The following DGKB variants were observed in gnomAD, a reference collection of about 807,000 sequenced individuals.
DGKB encodes the protein diacylglycerol kinase beta.
DGKB carries 67 observed loss-of-function variants against 114.3 expected under a neutral mutation model. The ratio of observed to expected loss-of-function variants is 0.59; its 90% confidence interval spans 0.48 to 0.72. DGKB has a LOEUF of 0.72. Among genes scored for constraint, DGKB ranks in the 30% least tolerant of loss-of-function variants. The probability of loss-of-function intolerance (pLI) is 0.00; values close to 1 mark genes in which losing one functional copy is unlikely to be tolerated. For missense variants in DGKB, 907 were observed against 975.2 expected (o/e 0.93, Z 0.93); for synonymous variants, 398 against 323.1 (o/e 1.23, Z -2.49).
At chr7:14,729,431 C>A (rs1830595868) in intron 5 of DGKB, among the ~76,000 whole-genome samples, 1 of 152,110 alleles carries the variant, frequency 6.6e-6, no homozygotes, top group Admixed American at 6.6e-5. Context: ...ACTGATGTAT[C>A]CCTAACAACT....
intron 13 of DGKB, among the ~76,000 whole-genome samples, chr7:14,633,514 G>A (rs572549711): frequency 6.6e-6 from 1 of 151,930 alleles, no homozygotes; most frequent in African/African-American, 2.4e-5. Context: ...CTGTTACAAT[G>A]AGCAAACCAT....
At chr7:14,897,869 C>T (rs866069486) in intron 1 of DGKB, among the ~76,000 whole-genome samples, 2 of 151,988 alleles carry the variant, frequency 1.3e-5, no homozygotes, top group South Asian at 4.1e-4. Flanking sequence ...AGTGGGACTA[C>T]CTATTCCTTC....
intron 23 of DGKB, among the ~76,000 whole-genome samples, chr7:14,252,676 C>T (rs62445616): frequency 2.0e-5 from 3 of 152,026 alleles, no homozygotes; most frequent in South Asian, 2.1e-4. Context: ...AGCCTTGGAC[C>T]GTGGGGCAGG....
intron 21 of DGKB, among the ~76,000 whole-genome samples, chr7:14,456,043 A>AGGGC (rs1563220400): frequency 6.6e-6 from 1 of 152,050 alleles, no homozygotes; most frequent in Non-Finnish European, 1.5e-5. Context: ...AAAATTTTTG[A>AGGGC]GGGCCAACGG....
intron 23 of DGKB, among the ~76,000 whole-genome samples, chr7:14,210,215 A>AT (rs1787529897): frequency 6.6e-6 from 1 of 152,028 alleles, no homozygotes; most frequent in Admixed American, 6.6e-5. Flanking sequence ...CCATTAGAGT[A>AT]TTTATATGAT....
intron 4 of DGKB, among the ~76,000 whole-genome samples, chr7:14,746,641 G>C (rs1009648351): frequency 2.0e-5 from 3 of 152,048 alleles, no homozygotes; most frequent in Non-Finnish European, 4.4e-5. Context: ...TGGGATCATA[G>C]GTGCTCACAA....
chr7:14,715,978 G>C (rs1828117918), intron 6 of DGKB, among the ~76,000 whole-genome samples: 1 of 152,146 alleles, frequency 6.6e-6, no homozygotes, highest in South Asian at 2.1e-4. Context: ...AGAAAAGACA[G>C]GCAATGGAAA....
intron 20 of DGKB, among the ~76,000 whole-genome samples, chr7:14,510,676 T>C (rs1461230876): frequency 6.6e-6 from 1 of 152,176 alleles, no homozygotes; most frequent in African/African-American, 2.4e-5. Context: ...TGGCAAATCC[T>C]TTCCAGAAAG....
intron 23 of DGKB, among the ~76,000 whole-genome samples, chr7:14,319,925 C>A (rs1023912542): frequency 6.6e-6 from 1 of 152,160 alleles, no homozygotes; most frequent in Non-Finnish European, 1.5e-5. Context: ...TCTACAGGTC[C>A]ATTTGTATTC....
intron 5 of DGKB, among the ~76,000 whole-genome samples, chr7:14,722,090 T>C (rs576177642): frequency 5.9e-5 from 9 of 152,244 alleles, no homozygotes; most frequent in Non-Finnish European, 1.2e-4. Flanking sequence ...TAGTTACAAC[T>C]GGTTAAACTA....
At chr7:14,878,437 T>C (rs1853646320) in intron 1 of DGKB, among the ~76,000 whole-genome samples, 1 of 152,120 alleles carries the variant, frequency 6.6e-6, no homozygotes, top group South Asian at 2.1e-4. Flanking sequence ...TATAATTTTA[T>C]TTGGGTATTA....
intron 20 of DGKB, among the ~76,000 whole-genome samples, chr7:14,492,735 G>T (rs559233007): frequency 6.6e-6 from 1 of 151,834 alleles, no homozygotes; most frequent in African/African-American, 2.4e-5. Flanking sequence ...AAAAGACATG[G>T]TTCACCTCAA....
chr7:14,742,943 T>C (rs1466128040), intron 4 of DGKB, among the ~76,000 whole-genome samples: 2 of 152,308 alleles, frequency 1.3e-5, no homozygotes, highest in East Asian at 3.9e-4. Flanking sequence ...GGAAGGTTTC[T>C]AAATTTAATA....
intron 20 of DGKB, among the ~76,000 whole-genome samples, chr7:14,555,008 T>G (rs1232823384): frequency 6.6e-6 from 1 of 152,194 alleles, no homozygotes; most frequent in Non-Finnish European, 1.5e-5. Context: ...TCTAGATTTC[T>G]TGCTGGTCTC....
intron 1 of DGKB, among the ~76,000 whole-genome samples, chr7:14,952,957 G>A (rs1297033912): frequency 1.3e-5 from 2 of 151,944 alleles, no homozygotes; most frequent in Admixed American, 1.3e-4. Context: ...ACAATTCAGT[G>A]GGGGAAATAC....
At position 14,733,778 on chromosome 7, in the gene DGKB, G is replaced by A. The variant is rs12670025; in HGVS notation, c.322+2263C>T. ...GAAAGAAAGAAAGAAAGAAAGAAAG[G>A]AAGAAAGAAAGAAGGGAGAGAGGGA... On this transcript the variant is annotated intron_variant, in intron 5 of 25. Transcript: ENST00000402815. 2.2e-3 allele frequency among the ~76,000 whole-genome samples: 313 copies of A among 145,204 alleles called. 7 individuals carry two copies. The East Asian group carries it at 0.028, about 13-fold the overall frequency.
At chr7:14,632,201 A>G (rs909033363) in intron 13 of DGKB, among the ~76,000 whole-genome samples, 1 of 151,988 alleles carries the variant, frequency 6.6e-6, no homozygotes. Context: ...CATTTTGGGG[A>G]TAACTGTAGA....
At chr7:14,652,851 A>G (rs1196306382) in intron 13 of DGKB, among the ~76,000 whole-genome samples, 1 of 152,250 alleles carries the variant, frequency 6.6e-6, no homozygotes, top group Non-Finnish European at 1.5e-5. Flanking sequence ...AAGTATATGA[A>G]CAGACACTTC....
chr7:14,358,201 T>G (rs993633729), intron 21 of DGKB, among the ~76,000 whole-genome samples: 1 of 152,186 alleles, frequency 6.6e-6, no homozygotes, highest in African/African-American at 2.4e-5. Context: ...CAACTTGGTT[T>G]CATTCTCCCC....
Sources: allele counts gnomAD v4.1 joint callset (sites outside exome capture counted in the v4.1 genomes callset), GRCh38; gene constraint gnomAD v4.1.1; transcripts MANE v1.5; gene names NCBI Gene and HGNC (gene_info 2026-07-23, HGNC 2026-07-21).